BABAM2: variants seen among roughly 807,000 people sequenced by gnomAD.
BABAM2 encodes the protein BRISC and BRCA1-A complex member 2.
BABAM2 carries 31 observed loss-of-function variants against 54.7 expected under a neutral mutation model. The observed-to-expected ratio is 0.57, with a 90% confidence interval of 0.43 to 0.77. BABAM2 has a LOEUF of 0.77. Among genes scored for constraint, BABAM2 ranks in the 30% least tolerant of loss-of-function variants. BABAM2 has a pLI of 0.00. For missense variants in BABAM2, 364 were observed against 455.8 expected (o/e 0.80, Z 1.83); for synonymous variants, 167 against 162.9 (o/e 1.03, Z -0.19).
intron 7 of BABAM2, among the ~76,000 whole-genome samples, chr2:28,162,560 C>G (rs1673204769): frequency 6.6e-6 from 1 of 152,214 alleles, no homozygotes; most frequent in Admixed American, 6.5e-5. Flanking sequence ...CTCTTCCTAG[C>G]TCAGCCAACC....
At chr2:28,176,569 CAAAAA>C (rs778275011) in intron 7 of BABAM2, among the ~76,000 whole-genome samples, 22 of 5,040 alleles carry the variant, frequency 4.4e-3, no homozygotes, top group South Asian at 0.038. Flanking sequence ...GACTCTATCT[CAAAAA>C]AAAAAAAAAA....
intron 11 of BABAM2, among the ~76,000 whole-genome samples, chr2:28,314,281 A>G (rs1039733583): frequency 6.6e-5 from 10 of 152,198 alleles, no homozygotes; most frequent in Non-Finnish European, 1.5e-4. Context: ...TTTACGGGTT[A>G]TGAAATTGAG....
rs375768449 is a variant in BABAM2 at position 28,061,737 on chromosome 2, A to T, written c.570+15938A>T. On this transcript the variant is annotated intron_variant, in intron 6 of 11. Coordinates refer to ENST00000379624, the MANE Select transcript of BABAM2 (RefSeq NM_199191.3). ...ACCTAAAAGTAAAACCTGAAACTAT[A>T]CAACTTCTAGAAGAAAACGTGATAA... Among the ~76,000 whole-genome samples the T allele has an allele frequency of 2.0e-5, 3 of 152,052 alleles. No homozygotes were observed. In the East Asian group the frequency reaches 5.8e-4, roughly 29 times the overall value.
intron 2 of BABAM2, chr2:27,896,402 T>G (rs1168476395): frequency 6.4e-6 from 1 of 155,382 alleles, no homozygotes; most frequent in African/African-American, 2.4e-5. Context: ...AGTTGTTCCT[T>G]TCAAGGGCAT....
At chr2:28,205,732 T>A (rs189932308) in intron 7 of BABAM2, among the ~76,000 whole-genome samples, 18 of 152,294 alleles carry the variant, frequency 1.2e-4, no homozygotes, top group Admixed American at 1.2e-3. Flanking sequence ...GCTAAGTAAC[T>A]TTGCTTGTTT....
chr2:28,290,951 T>C (rs1377580637), intron 10 of BABAM2, among the ~76,000 whole-genome samples: 3 of 152,184 alleles, frequency 2.0e-5, no homozygotes, highest in Non-Finnish European at 4.4e-5. Context: ...AAATTTCACA[T>C]ATACAGAACA....
intron 2 of BABAM2, among the ~76,000 whole-genome samples, chr2:27,903,088 C>T (rs1283269818): frequency 6.7e-6 from 1 of 149,544 alleles, no homozygotes; most frequent in African/African-American, 2.5e-5. Context: ...GATATTGTCT[C>T]CCCCACCCCC....
chr2:28,204,318 CT>C (rs1418528160), intron 7 of BABAM2, among the ~76,000 whole-genome samples: 1 of 152,142 alleles, frequency 6.6e-6, no homozygotes, highest in Admixed American at 6.6e-5. Flanking sequence ...AAGCTAGAGG[CT>C]GGCAGTAGAT....
At chr2:28,285,955 CTTTTTTT>C (rs376315142) in intron 10 of BABAM2, among the ~76,000 whole-genome samples, 4 of 138,412 alleles carry the variant, frequency 2.9e-5, no homozygotes, top group African/African-American at 1.1e-4. Flanking sequence ...CGAATAATAA[CTTTTTTT>C]TTTTTTTTTT....
chr2:28,171,554 G>A (rs182220030), intron 7 of BABAM2, among the ~76,000 whole-genome samples: 62 of 152,238 alleles, frequency 4.1e-4, no homozygotes, highest in East Asian at 3.9e-3. Flanking sequence ...AGATCTTCCC[G>A]TAATAAAGGC....
rs1667987419 is a variant in BABAM2, at chr2:27,930,133, A to T, written c.205+225A>T. 6.7e-6 allele frequency: 3 copies of T among 449,110 alleles called. No homozygotes were observed. The Admixed American group carries it at 1.2e-4, about 18-fold the overall frequency. The allele number at this position is 449,110 out of a possible 1,614,324, so 27.8% of individuals were successfully genotyped here. ...ATAGGCATGCACAGAAATTCCTAAT[A>T]TTTAGGCATGCCCGGTAATTTTTAT... On this transcript the variant is annotated intron_variant, in intron 3 of 11. Coordinates refer to ENST00000379624, the MANE Select transcript of BABAM2 (RefSeq NM_199191.3).
At chr2:27,971,439 TC>T (rs1271610154) in intron 3 of BABAM2, among the ~76,000 whole-genome samples, 1 of 152,146 alleles carries the variant, frequency 6.6e-6, no homozygotes, top group Non-Finnish European at 1.5e-5. Flanking sequence ...ACTGTTTTTT[TC>T]CTATTGCTTC....
intron 5 of BABAM2, among the ~76,000 whole-genome samples, chr2:28,042,929 C>T (rs1677228015): frequency 6.6e-6 from 1 of 151,624 alleles, no homozygotes; most frequent in African/African-American, 2.4e-5. Flanking sequence ...GAGGCTGAGG[C>T]AGGAGAATGG....
At position 28,045,746 on chromosome 2, in the gene BABAM2, T is replaced by G; in HGVS notation, c.517T>G (p.Phe173Val). The G allele has an allele frequency of 6.2e-7, 1 of 1,611,524 alleles. No homozygotes were observed. Among genetic ancestry groups the G allele is most frequent in the Non-Finnish European group, 8.5e-7 (1 of 1,178,306 alleles). The change falls in exon 6 of 12, where the codon TTC becomes GTC. Residue 173 changes from phenylalanine to valine, a missense_variant. Physicochemically the swap from Phe to Val is conservative, Grantham distance 50. Transcript: ENST00000379624. ...NNWTGEFSAR[F>V]LLKLPVDFSN... is the part of the protein sequence containing the mutation. The stretch of plus-strand genomic sequence containing the variant: ...ACAGACTGGTGAATTTTCAGCTCGT[T>G]TCCTTTTGAAGCTGCCCGTAGATTT...
At chr2:27,961,945 A>T (rs1470616634) in intron 3 of BABAM2, among the ~76,000 whole-genome samples, 11 of 151,772 alleles carry the variant, frequency 7.2e-5, no homozygotes, top group Admixed American at 7.2e-4. Context: ...GTCCAGGCTG[A>T]TCGCAAACTC....
chr2:28,041,833 G>A (rs1193154564), intron 5 of BABAM2, among the ~76,000 whole-genome samples: 2 of 152,116 alleles, frequency 1.3e-5, no homozygotes, highest in Non-Finnish European at 2.9e-5. Context: ...CAAGTGACAT[G>A]TTGAAAGAAT....
intron 11 of BABAM2, among the ~76,000 whole-genome samples, chr2:28,313,396 A>G (rs895778998): frequency 1.3e-5 from 2 of 152,232 alleles, no homozygotes; most frequent in African/African-American, 4.8e-5. Flanking sequence ...AGTGACTCCT[A>G]TTTTCCCAGA....
chr2:28,074,963 G>A (rs561500284), intron 6 of BABAM2, among the ~76,000 whole-genome samples: 14 of 152,246 alleles, frequency 9.2e-5, no homozygotes, highest in African/African-American at 3.1e-4. Flanking sequence ...GGAAGTGGGA[G>A]GTTTGATATA....
At chr2:28,234,839 G>A (rs1244144930) in intron 7 of BABAM2, among the ~76,000 whole-genome samples, 3 of 152,174 alleles carry the variant, frequency 2.0e-5, no homozygotes, top group African/African-American at 7.2e-5. Context: ...ACAAAGAGGA[G>A]ACAAAAAGCC....
Sources: gnomAD v4.1 joint callset for allele counts (sites outside exome capture counted in the v4.1 genomes callset) on GRCh38, gnomAD v4.1.1 for gene constraint, MANE v1.5 for transcripts, NCBI Gene and HGNC (gene_info 2026-07-23, HGNC 2026-07-21) for gene names.